PIK3R1: variants seen among roughly 807,000 people sequenced by gnomAD.
The protein encoded by PIK3R1 is phosphoinositide-3-kinase regulatory subunit 1, also known as phosphatidylinositol 3-kinase regulatory subunit alpha.
Under a neutral mutation model 98.0 loss-of-function variants are expected in PIK3R1, and 29 were observed. That is an observed-to-expected ratio of 0.30 (90% CI 0.22 to 0.40). The LOEUF (loss-of-function observed/expected upper bound fraction) is 0.40. Ranked by LOEUF, PIK3R1 falls within the 10% of genes least tolerant of loss-of-function variation. PIK3R1 has a pLI of 1.00. For missense variants in PIK3R1, 596 were observed against 872.7 expected (o/e 0.68, Z 3.99); for synonymous variants, 282 against 311.8 (o/e 0.90, Z 1.01).
At chr5:68,235,376 C>G (rs181391741) in intron 2 of PIK3R1, among the ~76,000 whole-genome samples, 14 of 151,272 alleles carry the variant, frequency 9.3e-5, no homozygotes, top group African/African-American at 3.2e-4. Context: ...GCACTTTAGC[C>G]TGGGTGACAG....
At chr5:68,234,427 C>T (rs1744591201) in intron 2 of PIK3R1, among the ~76,000 whole-genome samples, 6 of 152,184 alleles carry the variant, frequency 3.9e-5, no homozygotes, top group African/African-American at 1.4e-4. Flanking sequence ...CTTACATGAC[C>T]TCATTGCACG....
At chr5:68,265,033 A>G (rs1390359661) in intron 2 of PIK3R1, among the ~76,000 whole-genome samples, 1 of 152,176 alleles carries the variant, frequency 6.6e-6, no homozygotes, top group African/African-American at 2.4e-5. Context: ...TCTGTCTCCC[A>G]CAATGGTCTG....
chr5:68,257,707 TATTA>T (rs984149394), intron 2 of PIK3R1, among the ~76,000 whole-genome samples: 5 of 152,200 alleles, frequency 3.3e-5, no homozygotes, highest in Non-Finnish European at 5.9e-5. Flanking sequence ...ATGTCTATAA[TATTA>T]ATTCCCTGTC....
At chr5:68,265,031 C>G (rs576020880) in intron 2 of PIK3R1, among the ~76,000 whole-genome samples, 2 of 152,076 alleles carry the variant, frequency 1.3e-5, no homozygotes, top group Non-Finnish European at 2.9e-5. Context: ...ATTCTGTCTC[C>G]CACAATGGTC....
In PIK3R1 at chr5:68,301,532, A is replaced by T. The variant is rs1748103951; in HGVS notation, c.*3931A>T. 6.5e-6 allele frequency: 1 copy of T among 153,200 alleles called. No individual in the cohort carries two copies. Among genetic ancestry groups the T allele is most frequent in the Non-Finnish European group, 1.4e-5 (1 of 70,554 alleles). 9.5% of individuals were successfully genotyped at this position (153,200 alleles called of 1,614,324 possible). A position where few individuals can be genotyped will look rare whatever the true frequency, so the allele number is the denominator to read the frequency against. On this transcript the variant is annotated 3_prime_UTR_variant, in exon 16 of 16. Transcript: ENST00000521381. Reference sequence around the variant, plus strand: ...TGTATTTAAAAAAATCAAAACAAAAAAAAACTCATTTATACCTGTGTATTT... The same window carrying T: ...TGTATTTAAAAAAATCAAAACAAAATAAAACTCATTTATACCTGTGTATTT...
chr5:68,289,375 G>A (rs1747254724), intron 7 of PIK3R1, among the ~76,000 whole-genome samples: 1 of 152,052 alleles, frequency 6.6e-6, no homozygotes, highest in South Asian at 2.1e-4. Context: ...GACGGGGGAC[G>A]TCAGAGAACA....
chr5:68,267,287 G>A (rs970358160), intron 2 of PIK3R1, among the ~76,000 whole-genome samples: 1 of 152,128 alleles, frequency 6.6e-6, no homozygotes, highest in African/African-American at 2.4e-5. Flanking sequence ...AGCTAAGCCC[G>A]TCAGAAACAA....
At position 68,295,494 on chromosome 5, in the gene PIK3R1, T is replaced by C. The variant is rs1747663559; in HGVS notation, c.1814+6T>C. The C allele has an allele frequency of 6.2e-7, 1 of 1,611,678 alleles. No homozygotes were observed. Among genetic ancestry groups the C allele is most frequent in the Non-Finnish European group, 8.5e-7 (1 of 1,177,844 alleles). On this transcript the variant is annotated splice_donor_region_variant and intron_variant, in intron 14 of 15. Transcript: ENST00000521381. ...GGCAATGAAAACACTGAAGAGTAAG[T>C]AGTTACTAAAGATGGTGATAGCAGA...
At chr5:68,235,595 C>A (rs1744636099) in intron 2 of PIK3R1, among the ~76,000 whole-genome samples, 1 of 151,960 alleles carries the variant, frequency 6.6e-6, no homozygotes, top group Admixed American at 6.6e-5. Flanking sequence ...TTAATTAAAT[C>A]TCACCATGTT....
chr5:68,288,556 C>T (rs1580254647), intron 7 of PIK3R1: 2 of 1,505,196 alleles, frequency 1.3e-6, no homozygotes, highest in African/African-American at 1.4e-5. Flanking sequence ...TGTGCACGCC[C>T]GGAGGGTCCT....
intron 2 of PIK3R1, among the ~76,000 whole-genome samples, chr5:68,251,111 C>G (rs1043970524): frequency 2.0e-5 from 3 of 152,120 alleles, no homozygotes; most frequent in South Asian, 4.1e-4. Flanking sequence ...TTACTGCCAC[C>G]GCTTTCTGAT....
At position 68,293,001 on chromosome 5, in the gene PIK3R1, T is replaced by C. The variant is rs531473175; in HGVS notation, c.1020-100T>C. 26 of 950,124 alleles carry C rather than the reference T, an allele frequency of 2.7e-5. No homozygotes were observed. In the South Asian group the frequency reaches 3.8e-4, roughly 14 times the overall value. 58.9% of individuals were successfully genotyped at this position (950,124 alleles called of 1,614,324 possible). A position where few individuals can be genotyped will look rare whatever the true frequency, so the allele number is the denominator to read the frequency against. Reference sequence around the variant, plus strand: ...CACTGTACTTTCCACTTGATTTTGCTGTGAACCTAAAACTGCTCTAAAAAA... The same window carrying C: ...CACTGTACTTTCCACTTGATTTTGCCGTGAACCTAAAACTGCTCTAAAAAA... On this transcript the variant is annotated intron_variant, in intron 8 of 15. Transcript: ENST00000521381.
chr5:68,258,626 A>T (rs1745620552), intron 2 of PIK3R1, among the ~76,000 whole-genome samples: 1 of 152,196 alleles, frequency 6.6e-6, no homozygotes, highest in Admixed American at 6.5e-5. Flanking sequence ...TTCCCTGATC[A>T]TTGAACCTTC....
chr5:68,226,615 G>T lies in PIK3R1; in HGVS notation c.-61G>T, dbSNP rs559285651. On this transcript the variant is annotated 5_prime_UTR_variant, in exon 2 of 16. Transcript: ENST00000521381. ...CTCTGAATTCACTTTTCATAAAAACGTAAAATCAGACTGCTCTGTACAACC... is the reference window on the plus strand; with the variant it reads ...CTCTGAATTCACTTTTCATAAAAACTTAAAATCAGACTGCTCTGTACAACC... 7.4e-7 allele frequency: 1 copy of T among 1,355,354 alleles called. No individual in the cohort carries two copies. Among genetic ancestry groups the T allele is most frequent in the South Asian group, 1.3e-5 (1 of 79,244 alleles). The allele number at this position is 1,355,354 out of a possible 1,614,324, so 84.0% of individuals were successfully genotyped here. A position where few individuals can be genotyped will look rare whatever the true frequency, so the allele number is the denominator to read the frequency against.
intron 7 of PIK3R1, among the ~76,000 whole-genome samples, chr5:68,285,461 G>C (rs1362653759): frequency 6.6e-6 from 1 of 152,162 alleles, no homozygotes; most frequent in African/African-American, 2.4e-5. Context: ...GACATTAGAG[G>C]GTTGCTTCAA....
intron 3 of PIK3R1, chr5:68,273,688 C>T: frequency 1.7e-6 from 1 of 594,484 alleles, no homozygotes; most frequent in Non-Finnish European, 3.0e-6. Context: ...CATGTAGTTT[C>T]CATATGGAAA....
chr5:68,215,912 A>T lies in PIK3R1; in HGVS notation c.-424A>T, dbSNP rs943496927. 6.5e-6 allele frequency: 1 copy of T among 152,864 alleles called. No individual in the cohort carries two copies. Among genetic ancestry groups the T allele is most frequent in the Non-Finnish European group, 1.5e-5 (1 of 68,712 alleles). The allele number at this position is 152,864 out of a possible 1,614,324, so 9.5% of individuals were successfully genotyped here. On this transcript the variant is annotated 5_prime_UTR_variant, in exon 1 of 16. Transcript: ENST00000521381. ...CGAGCGGGCAGGAGGCCACCGCTGC[A>T]GCGCGGGCCCCGCAGAGGAAGGAAG...
At chr5:68,248,523 C>T (rs2112056852) in intron 2 of PIK3R1, among the ~76,000 whole-genome samples, 1 of 152,272 alleles carries the variant, frequency 6.6e-6, no homozygotes, top group South Asian at 2.1e-4. Flanking sequence ...GACATCCTAA[C>T]AAATTTATGA....
intron 2 of PIK3R1, among the ~76,000 whole-genome samples, chr5:68,230,251 C>T (rs1055818783): frequency 1.3e-5 from 2 of 152,208 alleles, no homozygotes; most frequent in African/African-American, 4.8e-5. Context: ...ATTACTTAAC[C>T]CACGATATCG....
Sources: gnomAD v4.1 joint callset for allele counts (sites outside exome capture counted in the v4.1 genomes callset) on GRCh38, gnomAD v4.1.1 for gene constraint, MANE v1.5 for transcripts, NCBI Gene and HGNC (gene_info 2026-07-23, HGNC 2026-07-21) for gene names.